The following NEK9 variants were observed in gnomAD, a reference collection of about 807,000 sequenced individuals.
NEK9 encodes the protein serine/threonine-protein kinase Nek9.
A neutral mutation model predicts 123.4 loss-of-function variants in NEK9; 75 were observed. That is an observed-to-expected ratio of 0.61 (90% CI 0.50 to 0.74). The LOEUF is 0.74. Among genes scored for constraint, NEK9 ranks in the 30% least tolerant of loss-of-function variants. NEK9 has a pLI of 0.00. For synonymous variants in NEK9, 438 were observed against 458.7 expected, an observed-to-expected ratio of 0.95 and a Z score of 0.58; for missense variants, 952 against 1,214.4, an observed-to-expected ratio of 0.78 and a Z score of 3.21.
At position 75,088,518 on chromosome 14, in the gene NEK9, C is replaced by G. The variant is rs1332411795; in HGVS notation, c.2566G>C (p.Glu856Gln). Residue 856 changes from glutamate to glutamine, a missense_variant, in exon 20 of 22, where the codon GAA (glutamate) becomes CAA (glutamine). Around this residue, in one of 4 missense-constraint regions of NEK9, gnomAD observed 698 missense variants for 875.6 expected, o/e 0.80. Transcript: ENST00000238616. ...EELQGLKVAS[E>Q]APLEHKPQVE... ...TGGGGTTTGTGTTCCAAAGGAGCTT[C>G]AGAGGCCACTTTGAGTCCTTGCAGC... 6.2e-7 allele frequency: 1 copy of G among 1,614,082 alleles called. No individual in the cohort carries two copies. The highest frequency in any genetic ancestry group is 1.1e-5 in the South Asian group (1 of 91,064).
chr14:75,101,828 G>T, intron 14 of NEK9, 63 bp from the exon 15 acceptor site: 1 of 1,257,806 alleles, frequency 8.0e-7, no homozygotes, highest in South Asian at 1.2e-5. Flanking sequence ...AAATCAGGCT[G>T]AGAATGGAAA....
rs528579305 is a variant in NEK9 at position 75,083,436 on chromosome 14, T to C, written c.*1128A>G. ...CCAAATTCCTTTTGCAAGTTCTACC[T>C]GTTCTGTTAGGCTTCAGGGACTCCC... On this transcript the variant is annotated 3_prime_UTR_variant, in exon 22 of 22. Transcript: ENST00000238616. The C allele has an allele frequency of 4.4e-5, 9 of 204,032 alleles. No individual in the cohort carries two copies. The East Asian group carries it at 9.7e-4, about 22-fold the overall frequency. 12.6% of individuals were successfully genotyped at this position (204,032 alleles called of 1,614,324 possible).
At chr14:75,098,160 A>T (rs756048721) in intron 16 of NEK9, among the ~76,000 whole-genome samples, 15 of 152,166 alleles carry the variant, frequency 9.9e-5, no homozygotes, top group Non-Finnish European at 1.8e-4. Context: ...TCTGAAGATA[A>T]CCAATATGGA....
intron 21 of NEK9, among the ~76,000 whole-genome samples, chr14:75,086,207 A>C (rs1026290349): frequency 6.6e-6 from 1 of 151,422 alleles, no homozygotes; most frequent in Non-Finnish European, 1.5e-5. Flanking sequence ...AATAAAAATA[A>C]AAATAAAAAT....
Position 75,109,844 on chromosome 14 carries a change from T to G in NEK9, c.1023A>C (p.Val341=), listed in dbSNP as rs375620529. Residue 341 remains valine (V), a synonymous_variant, in exon 10 of 22, where the codon GTA becomes GTC. Transcript: ENST00000238616. The part of the protein sequence containing the change: ...SSTVTEAPIA[V]VTSRTSEVYV... ...AGACTTCACTGGTTCGTGATGTTACTACAGCAATGGGTGCTTCAGTCACAG... is the reference window on the plus strand; with the variant it reads ...AGACTTCACTGGTTCGTGATGTTACGACAGCAATGGGTGCTTCAGTCACAG... 288 of 1,613,526 alleles carry G rather than the reference T, an allele frequency of 1.8e-4. No homozygotes were observed. Among genetic ancestry groups the G allele is most frequent in the Non-Finnish European group, 2.3e-4 (266 of 1,179,856 alleles).
chr14:75,100,274 C>G (rs549123699), intron 16 of NEK9, among the ~76,000 whole-genome samples: 8 of 151,196 alleles, frequency 5.3e-5, no homozygotes, highest in Non-Finnish European at 4.4e-5. Flanking sequence ...AAAGAAACCC[C>G]GTCTCTACTA....
chr14:75,112,881 G>A (rs175465), intron 8 of NEK9, among the ~76,000 whole-genome samples: 150,682 of 152,344 alleles, frequency 0.99, 74,531 homozygotes, highest in East Asian at 1. Flanking sequence ...ACAATTGATA[G>A]GCACCCTATG....
chr14:75,123,913 A>C, intron 2 of NEK9, 133 bp downstream of exon 2: 1 of 745,968 alleles, frequency 1.3e-6, no homozygotes, highest in Non-Finnish European at 2.0e-6. Flanking sequence ...AGGCCTGAAA[A>C]GTTTCTCTTA....
chr14:75,097,305 G>A (rs757733278), intron 16 of NEK9, 35 bp from the exon 17 acceptor site: 1 of 1,512,368 alleles, frequency 6.6e-7, no homozygotes, highest in East Asian at 2.3e-5. Flanking sequence ...CCATTTAACA[G>A]AACACTGGCT....
rs1895549193 is a variant in NEK9, at chr14:75,126,814, C to G, written c.108G>C (p.Gln36His). The G allele has an allele frequency of 6.5e-7, 1 of 1,533,412 alleles. No homozygotes were observed. Among genetic ancestry groups the G allele is most frequent in the Non-Finnish European group, 8.8e-7 (1 of 1,140,712 alleles). The allele number at this position is 1,533,412 out of a possible 1,614,324, so 95.0% of individuals were successfully genotyped here. A position where few individuals can be genotyped will look rare whatever the true frequency, so the allele number is the denominator to read the frequency against. ...GDSSPGPSASQGPRAGGGAAE... is the reference protein window; with the variant it reads ...GDSSPGPSASHGPRAGGGAAE... Reference sequence around the variant, plus strand: ...CCGCGCCGCCGCCGGCTCGCGGCCCCTGACTGGCGCTAGGCCCCGGACTCG... The same window carrying G: ...CCGCGCCGCCGCCGGCTCGCGGCCCGTGACTGGCGCTAGGCCCCGGACTCG... The change falls in exon 1 of 22, where the codon CAG becomes CAC. Residue 36 changes from glutamine (Q) to histidine (H), a missense_variant. Transcript: ENST00000238616.
At chr14:75,122,607 C>T (rs1423195658) in intron 2 of NEK9, among the ~76,000 whole-genome samples, 4 of 152,066 alleles carry the variant, frequency 2.6e-5, no homozygotes, top group African/African-American at 4.8e-5. Context: ...CTGGTTCAAG[C>T]GATTCTCCTG....
At position 75,080,670 on chromosome 14, in the gene NEK9, C is replaced by A. The variant is rs1349729048; in HGVS notation, c.*3894G>T. 2 of 150,072 alleles carry A rather than the reference C, an allele frequency of 1.3e-5. No individual in the cohort carries two copies. Among genetic ancestry groups the A allele is most frequent in the Admixed American group, 1.3e-4 (2 of 15,092 alleles). 9.3% of individuals were successfully genotyped at this position (150,072 alleles called of 1,614,324 possible). ...TTTTTTTTTTTTTGAGACGGAGTCT[C>A]GCTCTTGTCACCCAGGCTGGAGTGC... On this transcript the variant is annotated 3_prime_UTR_variant, in exon 22 of 22. Coordinates refer to ENST00000238616, the MANE Select transcript of NEK9 (RefSeq NM_033116.6).
At chr14:75,088,921 G>A (rs10142865) in intron 19 of NEK9, among the ~76,000 whole-genome samples, 69,736 of 152,030 alleles carry the variant, frequency 0.46, 17,056 homozygotes, top group East Asian at 0.84. Flanking sequence ...GTGAGCTGGG[G>A]CGCTCCAAGG....
At chr14:75,123,181 A>G (rs1895398488) in intron 2 of NEK9, among the ~76,000 whole-genome samples, 1 of 151,924 alleles carries the variant, frequency 6.6e-6, no homozygotes, top group Non-Finnish European at 1.5e-5. Flanking sequence ...TGGGCGGATC[A>G]CCTAAGGTCA....
chr14:75,094,533 T>C (rs1484197847), intron 18 of NEK9, among the ~76,000 whole-genome samples: 1 of 152,194 alleles, frequency 6.6e-6, no homozygotes, highest in Non-Finnish European at 1.5e-5. Context: ...TGGTGGCTCA[T>C]GCCTGTAATC....
chr14:75,086,839 G>A (rs1265696587), intron 21 of NEK9, 179 bp downstream of exon 21: 1 of 598,236 alleles, frequency 1.7e-6, no homozygotes, highest in African/African-American at 1.9e-5. Context: ...CCGGGAGGCG[G>A]AGGTTGCAGT....
intron 18 of NEK9, among the ~76,000 whole-genome samples, chr14:75,094,399 T>C (rs939388800): frequency 6.6e-6 from 1 of 152,226 alleles, no homozygotes; most frequent in Admixed American, 6.5e-5. Context: ...CAAGTAATCC[T>C]CCTGACTCAG....
At chr14:75,101,990 A>C (rs1275980730) in intron 14 of NEK9, among the ~76,000 whole-genome samples, 1 of 152,230 alleles carries the variant, frequency 6.6e-6, no homozygotes, top group Non-Finnish European at 1.5e-5. Flanking sequence ...TCTGACAACC[A>C]AAGTTTTAGA....
chr14:75,115,353 G>T (rs1195319773), intron 6 of NEK9, among the ~76,000 whole-genome samples: 3 of 152,080 alleles, frequency 2.0e-5, no homozygotes, highest in Non-Finnish European at 4.4e-5. Flanking sequence ...CTGACCTCAG[G>T]TGATCTGTCC....
Sources: gnomAD v4.1 joint callset for allele counts (sites outside exome capture counted in the v4.1 genomes callset) on GRCh38, gnomAD v4.1.1 for gene constraint, gnomAD v4.1.1 regional missense constraint, MANE v1.5 for transcripts, NCBI Gene and HGNC (gene_info 2026-07-23, HGNC 2026-07-21) for gene names.